CABP5: variants seen among roughly 807,000 people sequenced by gnomAD.
The protein encoded by CABP5 is calcium binding protein 5, also known as calcium-binding protein 5.
In CABP5, 17 loss-of-function variants were observed where a neutral mutation model predicts 21.9. That is an observed-to-expected ratio of 0.78 (90% confidence interval 0.53 to 1.17). The LOEUF is 1.17. CABP5 is among the 50% of genes most tolerant of loss of function. The pLI is 0.00. For missense variants in CABP5, 229 were observed against 228.9 expected, an observed-to-expected ratio of 1.00 and a Z score of 0.00; for synonymous variants, 85 against 79.4, an observed-to-expected ratio of 1.07 and a Z score of -0.37.
intron 4 of CABP5, among the ~76,000 whole-genome samples, chr19:48,036,236 G>T (rs896258894): frequency 2.0e-5 from 3 of 152,156 alleles, no homozygotes; most frequent in Non-Finnish European, 4.4e-5. Context: ...GTGCCCATGT[G>T]GAAGGCACCG....
chr19:48,033,789 T>A (rs889682246), intron 5 of CABP5, among the ~76,000 whole-genome samples: 1 of 151,862 alleles, frequency 6.6e-6, no homozygotes, highest in Non-Finnish European at 1.5e-5. Flanking sequence ...AAAAAGGGAG[T>A]AGCATAAGCC....
chr19:48,039,418 C>T, intron 3 of CABP5, 101 bp from the exon 4 acceptor site: 1 of 855,930 alleles, frequency 1.2e-6, no homozygotes, highest in South Asian at 1.5e-5. Flanking sequence ...CTTCTCCCTG[C>T]CCTATAAGAG....
intron 1 of CABP5, among the ~76,000 whole-genome samples, chr19:48,043,590 C>G (rs1301372877): frequency 1.4e-5 from 2 of 145,710 alleles, no homozygotes; most frequent in Non-Finnish European, 3.0e-5. Context: ...TGATGGTAAT[C>G]TCAACAATGA....
Position 48,043,931 on chromosome 19 carries a change from G to A in CABP5, c.-9C>T, listed in dbSNP as rs757934662. ...CCCATGGGGAACTGCATGGAGGGGTGGGGTGGAGCTCGCAGGGCACCAGTC... is the reference window on the plus strand; with the variant it reads ...CCCATGGGGAACTGCATGGAGGGGTAGGGTGGAGCTCGCAGGGCACCAGTC... On this transcript the variant is annotated 5_prime_UTR_variant, in exon 1 of 6. Coordinates refer to ENST00000293255, the MANE Select transcript of CABP5 (RefSeq NM_019855.5). 8 of 1,508,096 alleles carry A rather than the reference G, an allele frequency of 5.3e-6. No homozygotes were observed. Among genetic ancestry groups the A allele is most frequent in the Non-Finnish European group, 7.1e-6 (8 of 1,134,710 alleles). The allele number at this position is 1,508,096 out of a possible 1,614,324, so 93.4% of individuals were successfully genotyped here. A position where few individuals can be genotyped will look rare whatever the true frequency, so the allele number is the denominator to read the frequency against.
At chr19:48,034,480 G>T in intron 4 of CABP5, 118 bp from the exon 5 acceptor site, 1 of 642,934 alleles carries the variant, frequency 1.6e-6, no homozygotes, top group Non-Finnish European at 2.3e-6. Flanking sequence ...TTGGGAATGT[G>T]AGCCACTAGA....
chr19:48,044,029 C>T lies in CABP5; in HGVS notation c.-107G>A. 1.1e-6 allele frequency: 1 copy of T among 892,162 alleles called. No individual in the cohort carries two copies. The highest frequency in any genetic ancestry group is 1.7e-6 in the Non-Finnish European group (1 of 604,148). 55.3% of individuals were successfully genotyped at this position (892,162 alleles called of 1,614,324 possible). On this transcript the variant is annotated 5_prime_UTR_variant, in exon 1 of 6. Transcript: ENST00000293255. The stretch of plus-strand genomic sequence containing the variant: ...ATCTTCTCCAGCACTCCTTTGCCAC[C>T]TCTTCCTGCCTCTCTTGGCTTCTCC...
intron 4 of CABP5, among the ~76,000 whole-genome samples, chr19:48,034,596 A>G (rs1967385643): frequency 6.7e-6 from 1 of 148,826 alleles, no homozygotes; most frequent in Non-Finnish European, 1.5e-5. Flanking sequence ...CCCAGGCTGA[A>G]GTGCAGTGGT....
intron 4 of CABP5, among the ~76,000 whole-genome samples, chr19:48,036,539 G>A (rs945095916): frequency 6.6e-6 from 1 of 152,198 alleles, no homozygotes; most frequent in Non-Finnish European, 1.5e-5. Context: ...GGGAGATATT[G>A]TACCATGGGT....
intron 4 of CABP5, among the ~76,000 whole-genome samples, 199 bp from the exon 5 acceptor site, chr19:48,034,561 T>TA (rs1967385150): frequency 6.7e-6 from 1 of 148,888 alleles, no homozygotes; most frequent in Non-Finnish European, 1.5e-5. Context: ...TTTTTTTTTT[T>TA]ATTTGAGACA....
chr19:48,035,668 G>A (rs1256154377), intron 4 of CABP5, among the ~76,000 whole-genome samples: 2 of 152,254 alleles, frequency 1.3e-5, no homozygotes, highest in East Asian at 3.8e-4. Flanking sequence ...CACAGCTGTA[G>A]GCTGAGGAAG....
At chr19:48,038,312 C>T (rs1459663955) in intron 4 of CABP5, among the ~76,000 whole-genome samples, 1 of 152,142 alleles carries the variant, frequency 6.6e-6, no homozygotes, top group Non-Finnish European at 1.5e-5. Flanking sequence ...GTTCCAAATC[C>T]TTTGCTCCCA....
chr19:48,041,652 T>A, intron 1 of CABP5, 49 bp from the exon 2 acceptor site: 1 of 1,570,876 alleles, frequency 6.4e-7, no homozygotes, highest in Non-Finnish European at 8.7e-7. Context: ...GGTCACCCAT[T>A]CTCCAAAGGG....
chr19:48,040,116 T>G (rs1000493453), intron 3 of CABP5, among the ~76,000 whole-genome samples: 6 of 152,182 alleles, frequency 3.9e-5, no homozygotes, highest in Non-Finnish European at 7.3e-5. Flanking sequence ...TTCACCAACA[T>G]TAGCTCCAGC....
intron 3 of CABP5, 29 bp downstream of exon 3, chr19:48,040,576 C>T (rs1018476388): frequency 8.1e-6 from 13 of 1,612,776 alleles, no homozygotes; most frequent in African/African-American, 1.3e-5. Context: ...TCCCTAACCC[C>T]GGCCATCCCT....
In CABP5 at chr19:48,029,446, G is replaced by C. The variant is rs1967309223; in HGVS notation, c.*1111C>G. ...TGCATTGCTGGAGTGTCTTGCTTTG[G>C]GCGGAGGTCAGGAGGAATCTCTCTT... On this transcript the variant is annotated 3_prime_UTR_variant, in exon 6 of 6. Coordinates refer to ENST00000293255, the MANE Select transcript of CABP5 (RefSeq NM_019855.5). 6.6e-6 allele frequency among the ~76,000 whole-genome samples: 1 copy of C among 151,966 alleles called. No individual in the cohort carries two copies. The highest frequency in any genetic ancestry group is 1.5e-5 in the Non-Finnish European group (1 of 67,996).
At position 48,034,246 on chromosome 19, in the gene CABP5, A is replaced by G; in HGVS notation, c.465T>C (p.Asp155=). Reference sequence around the variant, plus strand: ...AGTCAACTGTGCCGTCTCCATTAACATCAGCCTCCCGGACAACCTCAGAGA... The same window carrying G: ...AGTCAACTGTGCCGTCTCCATTAACGTCAGCCTCCCGGACAACCTCAGAGA... ...REISEVVREA[D]VNGDGTVDFE... is the part of the protein sequence containing the mutation. Residue 155 remains aspartate (D), a synonymous_variant, in exon 5 of 6, where the codon GAT becomes GAC. Coordinates refer to ENST00000293255, the MANE Select transcript of CABP5 (RefSeq NM_019855.5). 6.2e-7 allele frequency: 1 copy of G among 1,606,258 alleles called. No individual in the cohort carries two copies. The highest frequency in any genetic ancestry group is 8.5e-7 in the Non-Finnish European group (1 of 1,176,874).
rs1448227736 is a variant in CABP5, at chr19:48,044,064, G to A, written c.-142C>T. ...CTCTCTTGGCTTCTCCTTCGGTCCCGGTGTCTTAGAGCTGTGACAGCTGGG... is the reference window on the plus strand; with the variant it reads ...CTCTCTTGGCTTCTCCTTCGGTCCCAGTGTCTTAGAGCTGTGACAGCTGGG... On this transcript the variant is annotated 5_prime_UTR_variant, in exon 1 of 6. Coordinates refer to ENST00000293255, the MANE Select transcript of CABP5 (RefSeq NM_019855.5). 6 of 654,798 alleles carry A rather than the reference G, an allele frequency of 9.2e-6. No homozygotes were observed. The highest frequency in any genetic ancestry group is 5.1e-5 in the South Asian group (2 of 39,290). 40.6% of individuals were successfully genotyped at this position (654,798 alleles called of 1,614,324 possible). A position where few individuals can be genotyped will look rare whatever the true frequency, so the allele number is the denominator to read the frequency against.
At chr19:48,034,787 C>A (rs1007661523) in intron 4 of CABP5, among the ~76,000 whole-genome samples, 1 of 151,990 alleles carries the variant, frequency 6.6e-6, no homozygotes, top group African/African-American at 2.4e-5. Context: ...CTCAGTTGAT[C>A]CACCTGCCTC....
chr19:48,032,115 T>C (rs1358499336), intron 5 of CABP5, among the ~76,000 whole-genome samples: 2 of 151,938 alleles, frequency 1.3e-5, no homozygotes, highest in Non-Finnish European at 2.9e-5. Flanking sequence ...CTGACAAAGG[T>C]TGCCTTGATG....
Sources: gnomAD v4.1 joint callset for allele counts (sites outside exome capture counted in the v4.1 genomes callset) on GRCh38, gnomAD v4.1.1 for gene constraint, MANE v1.5 for transcripts, NCBI Gene and HGNC (gene_info 2026-07-23, HGNC 2026-07-21) for gene names.